Variants in TNFRSF8 observed in about 807,000 individuals in gnomAD.
TNFRSF8 encodes the protein tumor necrosis factor receptor superfamily member 8.
Under a neutral mutation model 70.8 loss-of-function variants are expected in TNFRSF8, and 26 were observed. That is an observed-to-expected ratio of 0.37 (90% confidence interval 0.27 to 0.51). TNFRSF8 has a LOEUF of 0.51. Among genes scored for constraint, TNFRSF8 ranks in the 20% least tolerant of loss-of-function variants. The pLI, the probability that TNFRSF8 is intolerant of heterozygous loss-of-function variation, is 0.94. For synonymous variants in TNFRSF8, 356 were observed against 339.2 expected (o/e 1.05, Z -0.54); for missense variants, 720 against 807.9 (o/e 0.89, Z 1.32).
intron 2 of TNFRSF8, among the ~76,000 whole-genome samples, chr1:12,089,939 CATCCATCT>C (rs1387813891): frequency 1.4e-4 from 21 of 151,406 alleles, no homozygotes; most frequent in African/African-American, 5.1e-4. Context: ...TCCATCCATC[CATCCATCT>C]ACCCATCCAC....
At chr1:12,093,042 G>T (rs951304467) in intron 2 of TNFRSF8, among the ~76,000 whole-genome samples, 14 of 151,934 alleles carry the variant, frequency 9.2e-5, no homozygotes, top group African/African-American at 3.1e-4. Context: ...CTGACCTCAG[G>T]TGATCTGCCC....
intron 1 of TNFRSF8, among the ~76,000 whole-genome samples, chr1:12,070,243 T>TTTTTCTTC (rs1640818732): frequency 6.6e-6 from 1 of 151,938 alleles, no homozygotes; most frequent in Non-Finnish European, 1.5e-5. Context: ...GGGAATGTGC[T>TTTTTCTTC]TTTTCTTCTT....
chr1:12,123,605 C>G, intron 9 of TNFRSF8, 110 bp from the exon 10 acceptor site: 1 of 1,065,386 alleles, frequency 9.4e-7, no homozygotes, highest in Non-Finnish European at 1.4e-6. Context: ...GGCAGAGGAT[C>G]TAGGGGCCCA....
intron 1 of TNFRSF8, among the ~76,000 whole-genome samples, chr1:12,064,989 T>A (rs918702547): frequency 1.3e-5 from 2 of 152,080 alleles, no homozygotes; most frequent in African/African-American, 4.8e-5. Context: ...CCCCCTCCAC[T>A]TTTTTTAATG....
chr1:12,065,738 A>G (rs1366202501), intron 1 of TNFRSF8, among the ~76,000 whole-genome samples: 1 of 152,152 alleles, frequency 6.6e-6, no homozygotes, highest in Non-Finnish European at 1.5e-5. Context: ...TTAAAATGCT[A>G]TGTGATCTTT....
In TNFRSF8 at chr1:12,142,418, C is replaced by T. The variant is rs772360376; in HGVS notation, c.1675C>T (p.His559Tyr). Residue 559 changes from histidine to tyrosine, a missense_variant, in exon 15 of 15, where the codon CAC becomes TAC. By Grantham distance (83) the His-to-Tyr change is moderately conservative (BLOSUM62 2). Coordinates refer to ENST00000263932, the MANE Select transcript of TNFRSF8 (RefSeq NM_001243.5). The surrounding 1 kb of genome is among the most constrained non-coding windows in gnomAD (Gnocchi z 5.0). The stretch of plus-strand genomic sequence containing the variant: ...GGAGCTGGAGGCGGACCATACCCCC[C>T]ACTACCCCGAGCAGGAGACAGAACC... ...EEELEADHTP[H>Y]YPEQETEPPL... is the part of the protein sequence containing the mutation. 1 of 1,612,924 alleles carries T rather than the reference C, an allele frequency of 6.2e-7. No individual in the cohort carries two copies. The highest frequency in any genetic ancestry group is 1.7e-5 in the Admixed American group (1 of 59,966).
At chr1:12,072,625 C>T in intron 1 of TNFRSF8, among the ~76,000 whole-genome samples, 1 of 152,144 alleles carries the variant, frequency 6.6e-6, no homozygotes, top group East Asian at 1.9e-4. Context: ...AGCAGGTTCC[C>T]CTTGGGTTCT....
chr1:12,109,702 C>T lies in TNFRSF8; in HGVS notation c.512+46C>T. The T allele has an allele frequency of 6.5e-7, 1 of 1,532,982 alleles. No individual in the cohort carries two copies. The allele number at this position is 1,532,982 out of a possible 1,614,324, so 95.0% of individuals were successfully genotyped here. On this transcript the variant is annotated intron_variant, in intron 5 of 14. Transcript: ENST00000263932. This position sits in a 1 kb window ranked among gnomAD's most constrained non-coding sequence, Gnocchi z 4.4. Reference sequence around the variant, plus strand: ...CCTCCTCTTCCCCCAAGCTGGCTTTCAGATGAGGCTGCCCCACCCCACAGG... The same window carrying T: ...CCTCCTCTTCCCCCAAGCTGGCTTTTAGATGAGGCTGCCCCACCCCACAGG...
intron 1 of TNFRSF8, among the ~76,000 whole-genome samples, chr1:12,065,716 T>A (rs1640728983): frequency 6.6e-6 from 1 of 152,240 alleles, no homozygotes; most frequent in Non-Finnish European, 1.5e-5. Context: ...TTACAGATCC[T>A]CTGCCTATCT....
At chr1:12,125,453 A>G (rs2101029100) in intron 10 of TNFRSF8, among the ~76,000 whole-genome samples, 1 of 152,258 alleles carries the variant, frequency 6.6e-6, no homozygotes, top group African/African-American at 2.4e-5. Flanking sequence ...AGGGTTGGGG[A>G]TCATTCATTC....
At chr1:12,122,879 A>T (rs1266001463) in intron 8 of TNFRSF8, among the ~76,000 whole-genome samples, 1 of 151,860 alleles carries the variant, frequency 6.6e-6, no homozygotes, top group African/African-American at 2.4e-5. Flanking sequence ...CCCAGGCTGG[A>T]GTGCAGTGGC....
Position 12,142,091 on chromosome 1 carries a change from C to T in TNFRSF8, c.1544-196C>T, listed in dbSNP as rs993153698. 1.3e-5 allele frequency among the ~76,000 whole-genome samples: 2 copies of T among 152,218 alleles called. No homozygotes were observed. The highest frequency in any genetic ancestry group is 2.4e-5 in the African/African-American group (1 of 41,456). ...ACAAGTGGGCTGGTTCTTAACTCCTCAAGGCCCAGCTCCTAGCTGTTCTAT... is the reference window on the plus strand; with the variant it reads ...ACAAGTGGGCTGGTTCTTAACTCCTTAAGGCCCAGCTCCTAGCTGTTCTAT... On this transcript the variant is annotated intron_variant, in intron 14 of 14. Transcript: ENST00000263932. The surrounding 1 kb of genome is among the most constrained non-coding windows in gnomAD (Gnocchi z 5.0).
intron 1 of TNFRSF8, among the ~76,000 whole-genome samples, chr1:12,076,239 T>C (rs931068896): frequency 3.3e-5 from 5 of 151,916 alleles, no homozygotes; most frequent in African/African-American, 1.2e-4. Context: ...TAGCTGGAAT[T>C]ACAGGCATAA....
At position 12,109,432 on chromosome 1, in the gene TNFRSF8, G is replaced by T; in HGVS notation, c.422-134G>T. 1 of 651,254 alleles carries T rather than the reference G, an allele frequency of 1.5e-6. No homozygotes were observed. Among genetic ancestry groups the T allele is most frequent in the Admixed American group, 2.8e-5 (1 of 36,116 alleles). The allele number at this position is 651,254 out of a possible 1,614,324, so 40.3% of individuals were successfully genotyped here. ...CTGAAGGGGAACGGGTGCCAGGCGG[G>T]TGCCACCTCCAGATGACTGCTGTGT... On this transcript the variant is annotated intron_variant, in intron 4 of 14. Transcript: ENST00000263932. This position sits in a 1 kb window ranked among gnomAD's most constrained non-coding sequence, Gnocchi z 4.4.
chr1:12,085,782 C>T (rs1641143546), intron 2 of TNFRSF8, among the ~76,000 whole-genome samples: 2 of 152,186 alleles, frequency 1.3e-5, no homozygotes, highest in Admixed American at 1.3e-4. Context: ...AGGAGATAAG[C>T]AGCTGGAATA....
At chr1:12,114,741 T>C (rs932548305) in intron 7 of TNFRSF8, among the ~76,000 whole-genome samples, 2 of 138,488 alleles carry the variant, frequency 1.4e-5, no homozygotes, top group African/African-American at 5.3e-5. Flanking sequence ...CAGAGTCTTG[T>C]TCTGTCGCCC....
chr1:12,101,818 T>A (rs190651125), intron 3 of TNFRSF8, among the ~76,000 whole-genome samples: 2 of 152,272 alleles, frequency 1.3e-5, no homozygotes, highest in East Asian at 3.9e-4. Context: ...ATTACAGGCA[T>A]GCGCCACCAT....
rs150067974 is a variant in TNFRSF8 at position 12,080,499 on chromosome 1, G to T, written c.64-3965G>T. ...GTCAGTGGGAACTTGATAGCAGAGT[G>T]GTCGAGCTTGTTTCTCCTGGGAACG... On this transcript the variant is annotated intron_variant, in intron 1 of 14. Transcript: ENST00000263932. The T allele has an allele frequency of 1.1e-4, 57 of 504,452 alleles. No individual in the cohort carries two copies. The East Asian group carries it at 1.2e-3, about 11-fold the overall frequency. 31.2% of individuals were successfully genotyped at this position (504,452 alleles called of 1,614,324 possible).
intron 12 of TNFRSF8, among the ~76,000 whole-genome samples, chr1:12,132,708 C>A: frequency 6.6e-6 from 1 of 151,996 alleles, no homozygotes. Flanking sequence ...TGTCATGACA[C>A]GCACCTGTAG....
Sources: allele counts gnomAD v4.1 joint callset (sites outside exome capture counted in the v4.1 genomes callset), GRCh38; gene constraint gnomAD v4.1.1; non-coding constraint Gnocchi (gnomAD v3.1); transcripts MANE v1.5; gene names NCBI Gene and HGNC (gene_info 2026-07-23, HGNC 2026-07-21).